Variants in WNK1 observed in about 807,000 individuals in gnomAD.
The protein encoded by WNK1 is serine/threonine-protein kinase WNK1.
WNK1 carries 38 observed loss-of-function variants against 222.8 expected under a neutral mutation model. The observed-to-expected ratio is 0.17, with a 90% CI of 0.13 to 0.22. The LOEUF (loss-of-function observed/expected upper bound fraction) is 0.22, where lower values mean the gene tolerates loss of function less well. Among genes scored for constraint, WNK1 ranks in the 10% least tolerant of loss-of-function variants. The pLI is 1.00. For synonymous variants in WNK1, 1,090 were observed against 1,092.9 expected, an observed-to-expected ratio of 1.00 and a Z score of 0.05; for missense variants, 2,348 against 2,918.4, an observed-to-expected ratio of 0.80 and a Z score of 4.50.
In WNK1 at chr12:876,854, T is replaced by A. The variant is rs1952662347; in HGVS notation, c.2224-1358T>A. Among the ~76,000 whole-genome samples the A allele has an allele frequency of 2.6e-5, 4 of 152,072 alleles. 1 individual carries two copies. In the South Asian group the frequency reaches 8.3e-4, roughly 32 times the overall value. ...AAGAAAACTATGTGAAAATGGCCACTTACGCATAGAAAAAAATCCATGAAG... is the reference window on the plus strand; with the variant it reads ...AAGAAAACTATGTGAAAATGGCCACATACGCATAGAAAAAAATCCATGAAG... On this transcript the variant is annotated intron_variant, in intron 9 of 27. Coordinates refer to ENST00000315939, the MANE Select transcript of WNK1 (RefSeq NM_018979.4).
chr12:880,606 G>T, intron 11 of WNK1, 115 bp from the exon 12 acceptor site: 1 of 1,112,338 alleles, frequency 9.0e-7, no homozygotes, highest in Non-Finnish European at 1.4e-6. Flanking sequence ...GAAAGAGATT[G>T]GCTACTATTC....
In WNK1 at chr12:878,367, C is replaced by CTT. The variant is rs5795952; in HGVS notation, c.2373+20_2373+21dup. ...AAGTATCAGCTGGAAAACAGGTAAA[C>CTT]TTTTTTTTTTTTTTTAAACAGGTAA... On this transcript the variant is annotated splice_region_variant and intron_variant, in intron 10 of 27. Transcript: ENST00000315939. The CTT allele has an allele frequency of 0.036, 50,543 of 1,413,274 alleles. 1 individual carries two copies. The highest frequency in any genetic ancestry group is 0.04 in the Non-Finnish European group (40,954 of 1,024,506). The allele number at this position is 1,413,274 out of a possible 1,614,324, so 87.5% of individuals were successfully genotyped here.
At chr12:837,572 TAAAAAAAAAAAA>T (rs530005542) in intron 4 of WNK1, among the ~76,000 whole-genome samples, 1 of 123,664 alleles carries the variant, frequency 8.1e-6, no homozygotes, top group Non-Finnish European at 1.7e-5. Context: ...AGACCCTGTC[TAAAAAAAAAAAA>T]AAAAAAAAGA....
chr12:791,580 T>C (rs1252943978), intron 1 of WNK1, among the ~76,000 whole-genome samples: 1 of 152,024 alleles, frequency 6.6e-6, no homozygotes, highest in Non-Finnish European at 1.5e-5. Context: ...AAAAACTACA[T>C]TTCCTATTAC....
At chr12:817,086 ATTGAC>A (rs2154015368) in intron 2 of WNK1, among the ~76,000 whole-genome samples, 1 of 152,326 alleles carries the variant, frequency 6.6e-6, no homozygotes, top group East Asian at 1.9e-4. Flanking sequence ...ACTGAATTGA[ATTGAC>A]AGGAATATTA....
chr12:840,519 G>A (rs1209541907), intron 4 of WNK1, among the ~76,000 whole-genome samples: 2 of 152,112 alleles, frequency 1.3e-5, no homozygotes, highest in African/African-American at 4.8e-5. Flanking sequence ...AAATTTCAGT[G>A]TCCATAAATA....
At chr12:883,668 A>G (rs1953383821) in intron 16 of WNK1, 100 bp downstream of exon 16, 2 of 1,592,810 alleles carry the variant, frequency 1.3e-6, no homozygotes, top group Non-Finnish European at 1.7e-6. Flanking sequence ...CCTGACACCC[A>G]TGACCGACAA....
intron 1 of WNK1, among the ~76,000 whole-genome samples, chr12:795,296 GTTT>G (rs35447912): frequency 3.0e-5 from 4 of 133,022 alleles, no homozygotes; most frequent in African/African-American, 8.5e-5. Flanking sequence ...ATTTTCCGTT[GTTT>G]TTTTTTTTTT....
chr12:779,490 T>C (rs10735063), intron 1 of WNK1, among the ~76,000 whole-genome samples: 108,782 of 150,330 alleles, frequency 0.72, 39,879 homozygotes, highest in East Asian at 0.87. Context: ...CTGCAACCTC[T>C]GCCTCCTGAG....
rs567783022 is a variant in WNK1, at chr12:855,704, C to G, written c.1312-1457C>G. Reference sequence around the variant, plus strand: ...CTTGAACAGCATATCAGTGCTTCAACTCTTGATCCGTGTGGTGACTTAGAT... The same window carrying G: ...CTTGAACAGCATATCAGTGCTTCAAGTCTTGATCCGTGTGGTGACTTAGAT... On this transcript the variant is annotated intron_variant, in intron 4 of 27. Transcript: ENST00000315939. Among the ~76,000 whole-genome samples the G allele has an allele frequency of 3.9e-5, 6 of 152,294 alleles. 1 individual carries two copies. Among genetic ancestry groups the G allele is most frequent in the Admixed American group, 3.3e-4 (5 of 15,304 alleles).
rs148310699 is a variant in WNK1, at chr12:860,042, G to GAT, written c.1620+588_1620+589dup. 8.3e-3 allele frequency among the ~76,000 whole-genome samples: 1,267 copies of GAT among 152,030 alleles called. 22 individuals carry two copies. The highest frequency in any genetic ancestry group is 0.029 in the African/African-American group (1,192 of 41,456). ...AAAGTTATTTTTGAGAAAATATGTA[G>GAT]ATATATATATACATAGGGATAGATA... On this transcript the variant is annotated intron_variant, in intron 6 of 27. Transcript: ENST00000315939.
At chr12:892,531 C>T (rs1288978754) in intron 22 of WNK1, among the ~76,000 whole-genome samples, 1 of 151,924 alleles carries the variant, frequency 6.6e-6, no homozygotes, top group African/African-American at 2.4e-5. Context: ...ATAAAATTTT[C>T]TTCATGGAAG....
chr12:870,949 T>G (rs1952090059), intron 8 of WNK1, among the ~76,000 whole-genome samples: 1 of 152,240 alleles, frequency 6.6e-6, no homozygotes. Context: ...ATTATTGTAT[T>G]TCTAATAACA....
At chr12:842,454 C>T (rs1372549748) in intron 4 of WNK1, among the ~76,000 whole-genome samples, 1 of 152,124 alleles carries the variant, frequency 6.6e-6, no homozygotes, top group Non-Finnish European at 1.5e-5. Flanking sequence ...TAGTTTAACT[C>T]TTTCCATTAT....
chr12:788,762 C>T (rs1462269907), intron 1 of WNK1, among the ~76,000 whole-genome samples: 1 of 151,908 alleles, frequency 6.6e-6, no homozygotes. Flanking sequence ...TGGCAGTTGC[C>T]TGTAATCCCA....
chr12:805,322 G>A (rs868341066), intron 1 of WNK1, among the ~76,000 whole-genome samples: 3 of 152,024 alleles, frequency 2.0e-5, no homozygotes, highest in Admixed American at 6.6e-5. Flanking sequence ...GGGGAGGGGC[G>A]GGTAATAGCC....
At chr12:754,736 G>C (rs535248159) in intron 1 of WNK1, among the ~76,000 whole-genome samples, 2 of 152,098 alleles carry the variant, frequency 1.3e-5, no homozygotes, top group African/African-American at 2.4e-5. Context: ...CCTGAGATCA[G>C]GCTGTTCTTT....
At chr12:812,843 G>T (rs1947027291) in intron 1 of WNK1, among the ~76,000 whole-genome samples, 1 of 151,978 alleles carries the variant, frequency 6.6e-6, no homozygotes, top group African/African-American at 2.4e-5. Flanking sequence ...AGAAGAGTTG[G>T]AAGGGGAAAA....
intron 1 of WNK1, among the ~76,000 whole-genome samples, chr12:794,755 T>C (rs1439631216): frequency 6.6e-6 from 1 of 152,166 alleles, no homozygotes; most frequent in African/African-American, 2.4e-5. Context: ...TTAAAATATT[T>C]ATGTATTCAT....
Sources: gnomAD v4.1 joint callset for allele counts (sites outside exome capture counted in the v4.1 genomes callset) on GRCh38, gnomAD v4.1.1 for gene constraint, MANE v1.5 for transcripts, NCBI Gene and HGNC (gene_info 2026-07-23, HGNC 2026-07-21) for gene names.